ZNF410: variants seen among roughly 807,000 people sequenced by gnomAD.
ZNF410 encodes the protein another partner for ARF 1.
A neutral mutation model predicts 54.8 loss-of-function variants in ZNF410; 18 were observed. That is an observed-to-expected ratio of 0.33 (90% CI 0.23 to 0.49). The LOEUF (loss-of-function observed/expected upper bound fraction) is 0.49, where lower values mean the gene tolerates loss of function less well. Ranked by LOEUF, ZNF410 falls within the 20% of genes least tolerant of loss-of-function variation. ZNF410 has a pLI of 0.99. For synonymous variants in ZNF410, 191 were observed against 207.3 expected, an observed-to-expected ratio of 0.92 and a Z score of 0.68; for missense variants, 405 against 569.6, an observed-to-expected ratio of 0.71 and a Z score of 2.94.
chr14:73,920,060 T>G (rs2055734213), intron 8 of ZNF410: 1 of 152,062 alleles, frequency 6.6e-6, no homozygotes, highest in Non-Finnish European at 1.5e-5. Context: ...CTGCTGTAAT[T>G]TTGGGACATA....
At chr14:73,913,248 A>G (rs1188585645) in intron 8 of ZNF410, 3 of 152,156 alleles carry the variant, frequency 2.0e-5, no homozygotes, top group Non-Finnish European at 4.4e-5. Context: ...ACTCCAAGAA[A>G]AGTAACAGGC....
chr14:73,922,449 A>C, intron 10 of ZNF410: 1 of 273,836 alleles, frequency 3.7e-6, no homozygotes, highest in Admixed American at 4.7e-5. Flanking sequence ...ATTATTCCTA[A>C]TCCTAGCATC....
chr14:73,890,728 A>G (rs919314887), intron 1 of ZNF410, among the ~76,000 whole-genome samples: 1 of 151,948 alleles, frequency 6.6e-6, no homozygotes, highest in Non-Finnish European at 1.5e-5. Flanking sequence ...AGTTATAGGG[A>G]GTGGCTGGGC....
chr14:73,897,450 TAGG>T (rs2055335036), intron 4 of ZNF410, among the ~76,000 whole-genome samples: 1 of 151,968 alleles, frequency 6.6e-6, no homozygotes, highest in Non-Finnish European at 1.5e-5. Context: ...TAGTTGCAGA[TAGG>T]AGAGAGGAGA....
chr14:73,902,439 A>T (rs2055423135), intron 5 of ZNF410, among the ~76,000 whole-genome samples: 2 of 152,140 alleles, frequency 1.3e-5, no homozygotes. Context: ...ACTTAATAGT[A>T]ACTAGCAGGA....
At chr14:73,911,973 C>T (rs187349994) in intron 8 of ZNF410, among the ~76,000 whole-genome samples, 7 of 152,106 alleles carry the variant, frequency 4.6e-5, no homozygotes, top group Middle Eastern at 3.4e-3. Context: ...TGTTTCTCTA[C>T]GTTTCCTATA....
rs1205127467 is a variant in ZNF410 at position 73,931,902 on chromosome 14, A to T, written c.*361A>T. On this transcript the variant is annotated 3_prime_UTR_variant, in exon 12 of 12. Transcript: ENST00000555044. ...TTTGAAGAGTTTTCATCCCAGACTCAGCTGTCTTTTCACATGGATGAAATA... is the reference window on the plus strand; with the variant it reads ...TTTGAAGAGTTTTCATCCCAGACTCTGCTGTCTTTTCACATGGATGAAATA... The T allele has an allele frequency of 4.4e-6, 2 of 456,422 alleles. No individual in the cohort carries two copies. The highest frequency in any genetic ancestry group is 8.8e-6 in the Non-Finnish European group (2 of 226,748). 28.3% of individuals were successfully genotyped at this position (456,422 alleles called of 1,614,324 possible).
At chr14:73,888,685 T>C (rs2055179470) in intron 1 of ZNF410, among the ~76,000 whole-genome samples, 1 of 152,212 alleles carries the variant, frequency 6.6e-6, no homozygotes, top group African/African-American at 2.4e-5. Context: ...GGAAATCTGT[T>C]GAGTAAGGAA....
At position 73,894,615 on chromosome 14, in the gene ZNF410, C is replaced by T. The variant is rs372736108; in HGVS notation, c.169+683C>T. On this transcript the variant is annotated intron_variant, in intron 3 of 11. Transcript: ENST00000555044. ...CTAATTTTTGCATTTTTAGTAGAAA[C>T]GGGGTTTCACCATGTTGGCCAGGCT... is the stretch of plus-strand genomic sequence containing the variant. 5.9e-5 allele frequency among the ~76,000 whole-genome samples: 9 copies of T among 151,964 alleles called. No individual in the cohort carries two copies. The East Asian group carries it at 1.4e-3, about 23-fold the overall frequency.
intron 8 of ZNF410, among the ~76,000 whole-genome samples, chr14:73,917,181 A>G (rs1454779727): frequency 6.6e-6 from 1 of 152,148 alleles, no homozygotes; most frequent in East Asian, 1.9e-4. Context: ...CATTAATACA[A>G]TATTGTTTCA....
At position 73,932,048 on chromosome 14, in the gene ZNF410, G is replaced by C. The variant is rs1566670891; in HGVS notation, c.*507G>C. The C allele has an allele frequency of 8.8e-6, 4 of 456,132 alleles. No homozygotes were observed. The highest frequency in any genetic ancestry group is 4.7e-5 in the Admixed American group (2 of 42,520). 28.3% of individuals were successfully genotyped at this position (456,132 alleles called of 1,614,324 possible). A position where few individuals can be genotyped will look rare whatever the true frequency, so the allele number is the denominator to read the frequency against. On this transcript the variant is annotated 3_prime_UTR_variant, in exon 12 of 12. Transcript: ENST00000555044. ...ATTCTCCCTTTAGCAACCTGAGTAA[G>C]AGACTCTCTGCCACTGGGCTGCAAA... is the stretch of plus-strand genomic sequence containing the variant.
intron 11 of ZNF410, among the ~76,000 whole-genome samples, chr14:73,929,393 G>A (rs1042928372): frequency 6.6e-6 from 1 of 152,158 alleles, no homozygotes; most frequent in African/African-American, 2.4e-5. Flanking sequence ...AGGTGCCAGA[G>A]AAGGTGAAGG....
chr14:73,923,403 G>C lies in ZNF410; in HGVS notation c.1279G>C (p.Ala427Pro), dbSNP rs1229026058. 1 of 1,613,226 alleles carries C rather than the reference G, an allele frequency of 6.2e-7. No homozygotes were observed. Among genetic ancestry groups the C allele is most frequent in the Non-Finnish European group, 8.5e-7 (1 of 1,179,624 alleles). Residue 427 changes from alanine (A) to proline (P), a missense_variant, in exon 11 of 12, where the codon GCT (alanine) becomes CCT (proline). By Grantham distance (27) the Ala-to-Pro change is conservative. Transcript: ENST00000555044. Reference protein sequence around the residue: ...SILGVDDEVLAEGSPRSLSSV... With the variant: ...SILGVDDEVLPEGSPRSLSSV... The stretch of plus-strand genomic sequence containing the variant: ...TTTCTGTTGCTTCACAGAGGTGCTT[G>C]CTGAAGGATCCCCACGTTCCCTGTC...
intron 1 of ZNF410, chr14:73,887,116 GT>G: frequency 6.5e-6 from 1 of 152,922 alleles, no homozygotes. Context: ...CCCCTCGCGG[GT>G]TTTTAGGGGC....
rs145182509 is a variant in ZNF410 at position 73,921,665 on chromosome 14, C to T, written c.1130-401C>T. Among the ~76,000 whole-genome samples the T allele has an allele frequency of 4.3e-3, 661 of 152,016 alleles. 6 individuals carry two copies. The highest frequency in any genetic ancestry group is 0.015 in the African/African-American group (636 of 41,472). On this transcript the variant is annotated intron_variant, in intron 9 of 11. Transcript: ENST00000555044. ...GCTGATTTTTATATTTTTGTAGAGA[C>T]GGGGTTTCACCATGTTGGCCAGGCT...
chr14:73,889,311 C>G (rs1195616389), intron 1 of ZNF410, among the ~76,000 whole-genome samples: 1 of 151,736 alleles, frequency 6.6e-6, no homozygotes, highest in African/African-American at 2.4e-5. Context: ...GTAGCTAGGA[C>G]CACAGGCATG....
rs1555353430 is a variant in ZNF410, at chr14:73,905,968, C to CATACATAT, written c.913+888_913+889insCATATATA. On this transcript the variant is annotated intron_variant, in intron 7 of 11. Coordinates refer to ENST00000555044, the MANE Select transcript of ZNF410 (RefSeq NM_021188.3). ...ATACACACACACACACACACACACA[C>CATACATAT]ATATATATATATATATATATATATA... 4.2e-3 allele frequency among the ~76,000 whole-genome samples: 329 copies of CATACATAT among 78,908 alleles called. 4 individuals carry two copies. The highest frequency in any genetic ancestry group is 0.013 in the African/African-American group (303 of 23,794). The allele number at this position is 78,908 out of a possible 152,430, so 51.8% of individuals were successfully genotyped here.
intron 3 of ZNF410, chr14:73,895,146 G>A (rs1383375139): frequency 6.6e-6 from 1 of 152,120 alleles, no homozygotes; most frequent in Admixed American, 6.5e-5. Flanking sequence ...GCAACACCCT[G>A]TCTAAAAGAA....
At chr14:73,922,248 C>A (rs1485417095) in intron 10 of ZNF410, 42 bp downstream of exon 10, 2 of 1,593,886 alleles carry the variant, frequency 1.3e-6, no homozygotes, top group Middle Eastern at 2.0e-4. Context: ...AAATGGGCTG[C>A]AACTAGGGGC....
Sources: gnomAD v4.1 joint callset for allele counts (sites outside exome capture counted in the v4.1 genomes callset) on GRCh38, gnomAD v4.1.1 for gene constraint, MANE v1.5 for transcripts, NCBI Gene and HGNC (gene_info 2026-07-23, HGNC 2026-07-21) for gene names.